Variants in JAK1 observed in about 807,000 individuals in gnomAD.
JAK1 encodes the protein tyrosine-protein kinase JAK1.
A neutral mutation model predicts 136.6 loss-of-function variants in JAK1; 16 were observed. The observed-to-expected ratio is 0.12, with a 90% CI of 0.08 to 0.18. The LOEUF (loss-of-function observed/expected upper bound fraction) is 0.18, where lower values mean the gene tolerates loss of function less well. Ranked by LOEUF, JAK1 falls within the 10% of genes least tolerant of loss-of-function variation. The probability of loss-of-function intolerance (pLI) is 1.00; values close to 1 mark genes in which losing one functional copy is unlikely to be tolerated. For synonymous variants in JAK1, 492 were observed against 519.5 expected (o/e 0.95, Z 0.72); for missense variants, 859 against 1,450.1 (o/e 0.59, Z 6.62).
At position 64,874,367 on chromosome 1, in the gene JAK1, A is replaced by T. The variant is rs920734079; in HGVS notation, c.330-844T>A. Among the ~76,000 whole-genome samples, 3 of 148,622 alleles carry T rather than the reference A, an allele frequency of 2.0e-5. 1 individual carries two copies. Among genetic ancestry groups the T allele is most frequent in the Admixed American group, 1.3e-4 (2 of 14,912 alleles). On this transcript the variant is annotated intron_variant, in intron 4 of 24. Coordinates refer to ENST00000342505, the MANE Select transcript of JAK1 (RefSeq NM_002227.4). ...AACTGACGAACTGTGTAGCACAGAA[A>T]TTTTTTTTTTTTAATTTCAGAAAAA... is the stretch of plus-strand genomic sequence containing the variant.
chr1:65,014,194 TATTTA>T (rs1557758375), intron 2 of JAK1, among the ~76,000 whole-genome samples: 2 of 152,264 alleles, frequency 1.3e-5, no homozygotes, highest in African/African-American at 2.4e-5. Context: ...GTCTAACATA[TATTTA>T]ATTAGAGCAC....
intron 8 of JAK1, among the ~76,000 whole-genome samples, chr1:64,863,417 C>T (rs2780902): frequency 0.34 from 52,204 of 151,420 alleles, 10,596 homozygotes; most frequent in African/African-American, 0.57. Flanking sequence ...ATCAACAGCA[C>T]TTCTTCTTTT....
intron 1 of JAK1, among the ~76,000 whole-genome samples, chr1:64,909,381 A>G (rs1324926174): frequency 6.6e-6 from 1 of 152,178 alleles, no homozygotes; most frequent in Admixed American, 6.5e-5. Flanking sequence ...TGATGTGGAA[A>G]GGAAACTAGC....
intron 1 of JAK1, among the ~76,000 whole-genome samples, chr1:64,955,439 A>G (rs79743673): frequency 0.051 from 7,784 of 152,304 alleles, 424 homozygotes; most frequent in East Asian, 0.26. Flanking sequence ...GCACGGGAAA[A>G]GTGCATTAAA....
chr1:64,885,738 G>A (rs1176385233), intron 2 of JAK1, among the ~76,000 whole-genome samples: 1 of 151,530 alleles, frequency 6.6e-6, no homozygotes, highest in Non-Finnish European at 1.5e-5. Flanking sequence ...TGGTGACAGA[G>A]CAAGAGTCCG....
intron 5 of JAK1, 138 bp from the exon 6 acceptor site, chr1:64,869,612 G>A: frequency 3.0e-6 from 2 of 670,790 alleles, no homozygotes; most frequent in East Asian, 2.6e-5. Context: ...TAGCATCAGA[G>A]CTCTTTTAAA....
At chr1:65,039,051 C>T (rs1204446870) in intron 2 of JAK1, among the ~76,000 whole-genome samples, 3 of 152,178 alleles carry the variant, frequency 2.0e-5, no homozygotes, top group African/African-American at 7.2e-5. Context: ...CCTGCCTCAG[C>T]CTCCCAAAAT....
chr1:64,947,965 T>C (rs1646018095), intron 1 of JAK1, among the ~76,000 whole-genome samples: 1 of 152,096 alleles, frequency 6.6e-6, no homozygotes, highest in Admixed American at 6.5e-5. Context: ...TACAAATGTT[T>C]CCAAATTACC....
In JAK1 at chr1:64,941,768, C is replaced by G. The variant is rs1645893814; in HGVS notation, c.-78+24565G>C. 2.0e-5 allele frequency among the ~76,000 whole-genome samples: 3 copies of G among 152,292 alleles called. No homozygotes were observed. In the South Asian group the frequency reaches 6.2e-4, roughly 32 times the overall value. On this transcript the variant is annotated intron_variant, in intron 1 of 24. Coordinates refer to ENST00000342505, the MANE Select transcript of JAK1 (RefSeq NM_002227.4). The stretch of plus-strand genomic sequence containing the variant: ...AACATGAATCCAGGTACTTGACTCT[C>G]TAAGTTTAGTGGAAATGTCTGAATC...
At chr1:64,864,035 G>C (rs143938724) in intron 8 of JAK1, among the ~76,000 whole-genome samples, 153 of 152,310 alleles carry the variant, frequency 1.0e-3, no homozygotes, top group Non-Finnish European at 1.8e-3. Context: ...CTGAATACAA[G>C]AGAGTGACTG....
intron 1 of JAK1, among the ~76,000 whole-genome samples, chr1:65,064,980 G>A (rs1222931955): frequency 1.3e-5 from 2 of 152,280 alleles, no homozygotes; most frequent in Admixed American, 6.5e-5. Context: ...GAAATACACG[G>A]TAAGTATCCC....
chr1:64,911,032 T>A (rs1014937060), intron 1 of JAK1, among the ~76,000 whole-genome samples: 1 of 151,584 alleles, frequency 6.6e-6, no homozygotes, highest in Non-Finnish European at 1.5e-5. Flanking sequence ...AAATGGGCAA[T>A]TAGAATGTTT....
intron 1 of JAK1, among the ~76,000 whole-genome samples, chr1:64,913,209 G>C (rs150427390): frequency 6.6e-6 from 1 of 152,018 alleles, no homozygotes; most frequent in African/African-American, 2.4e-5. Flanking sequence ...TTTTTTTGTA[G>C]AGACAGGGTC....
intron 1 of JAK1, among the ~76,000 whole-genome samples, chr1:64,908,817 G>C (rs1440703410): frequency 6.6e-6 from 1 of 152,004 alleles, no homozygotes; most frequent in African/African-American, 2.4e-5. Context: ...TCTATGCATA[G>C]GAGAAACTGT....
chr1:64,888,135 T>C (rs1267776192), intron 1 of JAK1, among the ~76,000 whole-genome samples: 1 of 152,214 alleles, frequency 6.6e-6, no homozygotes, highest in Non-Finnish European at 1.5e-5. Context: ...TCAGAAGGGC[T>C]ACCATATAAA....
Position 64,883,156 on chromosome 1 carries a change from AC to A in JAK1, c.205+120del, listed in dbSNP as rs1644800908. On this transcript the variant is annotated intron_variant, in intron 3 of 24. Transcript: ENST00000342505. ...GTGGCAGTGGCAGAGGCAGGGAGGAACCTGACTCCAGAGTCCACAACTCTTT... is the reference window on the plus strand; with the variant it reads ...GTGGCAGTGGCAGAGGCAGGGAGGAACTGACTCCAGAGTCCACAACTCTTT... 6.3e-5 allele frequency: 46 copies of A among 732,546 alleles called. 1 individual carries two copies. In the South Asian group the frequency reaches 1.1e-3, roughly 17 times the overall value. 45.4% of individuals were successfully genotyped at this position (732,546 alleles called of 1,614,324 possible).
At chr1:64,894,270 C>A (rs558674430) in intron 1 of JAK1, among the ~76,000 whole-genome samples, 1 of 152,304 alleles carries the variant, frequency 6.6e-6, no homozygotes, top group East Asian at 1.9e-4. Context: ...GAGGAGGAAT[C>A]GAAGAGGTTG....
At chr1:64,840,805 T>C (rs933126032) in intron 19 of JAK1, among the ~76,000 whole-genome samples, 2 of 151,104 alleles carry the variant, frequency 1.3e-5, no homozygotes, top group Non-Finnish European at 2.9e-5. Context: ...CACTCCAGCC[T>C]GGGACACAGA....
At chr1:64,958,876 T>C (rs1489446351) in intron 1 of JAK1, among the ~76,000 whole-genome samples, 2 of 152,154 alleles carry the variant, frequency 1.3e-5, no homozygotes, top group South Asian at 2.1e-4. Flanking sequence ...CAAATAAGAG[T>C]TGCATTCATT....
Sources: gnomAD v4.1 joint callset for allele counts (sites outside exome capture counted in the v4.1 genomes callset) on GRCh38, gnomAD v4.1.1 for gene constraint, MANE v1.5 for transcripts, NCBI Gene and HGNC (gene_info 2026-07-23, HGNC 2026-07-21) for gene names.